AMN1: variants seen among roughly 807,000 people sequenced by gnomAD.
The protein encoded by AMN1 is antagonist of mitotic exit network 1 homolog, also known as protein AMN1 homolog.
In AMN1, 20 loss-of-function variants were observed where a neutral mutation model predicts 33.0. That is an observed-to-expected ratio of 0.61 (90% CI 0.43 to 0.88). The LOEUF is 0.88. AMN1 is among the 40% of genes least tolerant of loss of function. The probability of loss-of-function intolerance (pLI) is 0.00; values close to 1 mark genes in which losing one functional copy is unlikely to be tolerated. For missense variants in AMN1, 246 were observed against 307.4 expected, an observed-to-expected ratio of 0.80 and a Z score of 1.49; for synonymous variants, 114 against 111.9, an observed-to-expected ratio of 1.02 and a Z score of -0.12.
chr12:31,698,741 C>CT (rs201986632), intron 3 of AMN1, among the ~76,000 whole-genome samples: 8,102 of 148,564 alleles, frequency 0.055, 467 homozygotes, highest in East Asian at 0.18. Context: ...TAAGAAAGAA[C>CT]TTTTTTTTTT....
intron 6 of AMN1, among the ~76,000 whole-genome samples, chr12:31,673,820 A>G (rs1951331451): frequency 6.6e-6 from 1 of 152,266 alleles, no homozygotes; most frequent in Non-Finnish European, 1.5e-5. Flanking sequence ...TTACTTTAAC[A>G]TCTGAAAATC....
At chr12:31,682,870 A>G (rs918823824) in intron 6 of AMN1, among the ~76,000 whole-genome samples, 2 of 152,084 alleles carry the variant, frequency 1.3e-5, no homozygotes, top group African/African-American at 4.8e-5. Context: ...TTTATTCCAA[A>G]TATTTTGAAC....
At chr12:31,718,545 G>GT (rs2139725568) in intron 1 of AMN1, among the ~76,000 whole-genome samples, 1 of 152,276 alleles carries the variant, frequency 6.6e-6, no homozygotes, top group South Asian at 2.1e-4. Context: ...CATCTTTGTG[G>GT]TTTTATCTAC....
chr12:31,713,658 T>C (rs1170038209), intron 1 of AMN1, among the ~76,000 whole-genome samples: 1 of 152,098 alleles, frequency 6.6e-6, no homozygotes, highest in Non-Finnish European at 1.5e-5. Flanking sequence ...CTGGGAAACA[T>C]GGCAAAACCC....
intron 6 of AMN1, among the ~76,000 whole-genome samples, chr12:31,685,453 A>G (rs1350707903): frequency 6.6e-6 from 1 of 151,920 alleles, no homozygotes; most frequent in Non-Finnish European, 1.5e-5. Flanking sequence ...TTCTTCCCAC[A>G]CTCTTAAATG....
chr12:31,706,757 G>T (rs1939258775), intron 2 of AMN1, among the ~76,000 whole-genome samples: 1 of 152,082 alleles, frequency 6.6e-6, no homozygotes, highest in African/African-American at 2.4e-5. Context: ...CCCTCTCCAG[G>T]CCTCCACCCC....
chr12:31,690,718 T>A (rs2139675431), intron 5 of AMN1, among the ~76,000 whole-genome samples: 1 of 152,372 alleles, frequency 6.6e-6, no homozygotes, highest in Non-Finnish European at 1.5e-5. Flanking sequence ...ATCTGTTTAC[T>A]CTGCTGACTA....
At chr12:31,704,161 GT>G (rs1271124640) in intron 2 of AMN1, among the ~76,000 whole-genome samples, 2 of 151,932 alleles carry the variant, frequency 1.3e-5, no homozygotes, top group Non-Finnish European at 2.9e-5. Flanking sequence ...CGTCTAAAAG[GT>G]TTTTTTAAAT....
At chr12:31,681,323 C>T (rs560618941) in intron 6 of AMN1, among the ~76,000 whole-genome samples, 1 of 152,028 alleles carries the variant, frequency 6.6e-6, no homozygotes, top group Admixed American at 6.6e-5. Flanking sequence ...CTGCCTCCTG[C>T]GTTCAAGCAA....
At chr12:31,696,693 G>A (rs1389776923) in intron 5 of AMN1, among the ~76,000 whole-genome samples, 1 of 152,054 alleles carries the variant, frequency 6.6e-6, no homozygotes, top group Admixed American at 6.6e-5. Context: ...ATGAGAGGCC[G>A]AGGCGGTCGG....
chr12:31,690,128 A>C (rs965831673), intron 5 of AMN1, among the ~76,000 whole-genome samples: 3 of 152,350 alleles, frequency 2.0e-5, no homozygotes, highest in African/African-American at 7.2e-5. Context: ...CATTGTATAC[A>C]TATACCACAG....
At chr12:31,718,927 C>T (rs1350061466) in intron 1 of AMN1, among the ~76,000 whole-genome samples, 8 of 152,256 alleles carry the variant, frequency 5.3e-5, no homozygotes, top group African/African-American at 1.4e-4. Flanking sequence ...CAAGCTCCCA[C>T]ATCCCAGGTC....
At chr12:31,695,321 A>G (rs1186129502) in intron 5 of AMN1, among the ~76,000 whole-genome samples, 5 of 152,140 alleles carry the variant, frequency 3.3e-5, no homozygotes, top group Non-Finnish European at 4.4e-5. Context: ...TAAGCATTAC[A>G]TAACCTAGTG....
chr12:31,698,777 C>T (rs1240081032), intron 3 of AMN1, among the ~76,000 whole-genome samples: 1 of 151,358 alleles, frequency 6.6e-6, no homozygotes, highest in East Asian at 1.9e-4. Context: ...TTTTATTTAT[C>T]AGTGTCCAGC....
At chr12:31,679,047 G>A (rs1459758509) in intron 6 of AMN1, among the ~76,000 whole-genome samples, 2 of 152,022 alleles carry the variant, frequency 1.3e-5, no homozygotes, top group East Asian at 1.9e-4. Context: ...GGCAGCTCAC[G>A]CCTGTAATCC....
At chr12:31,682,712 G>C (rs1294212185) in intron 6 of AMN1, among the ~76,000 whole-genome samples, 1 of 152,134 alleles carries the variant, frequency 6.6e-6, no homozygotes, top group East Asian at 1.9e-4. Context: ...GTAAACATTT[G>C]ATTTGGTGAT....
At chr12:31,725,294 G>C (rs191223458) in intron 1 of AMN1, among the ~76,000 whole-genome samples, 1 of 152,154 alleles carries the variant, frequency 6.6e-6, no homozygotes, top group Non-Finnish European at 1.5e-5. Flanking sequence ...TGACATAAGT[G>C]GTGTTGATTC....
chr12:31,680,518 T>G (rs74315918), intron 6 of AMN1, among the ~76,000 whole-genome samples: 6,188 of 152,264 alleles, frequency 0.041, 280 homozygotes, highest in East Asian at 0.21. Flanking sequence ...ATAATTTTCA[T>G]ATTTCTAATA....
Position 31,692,536 on chromosome 12 carries a change from G to A in AMN1, c.592-3418C>T, listed in dbSNP as rs140163156. On this transcript the variant is annotated intron_variant, in intron 5 of 6. Coordinates refer to ENST00000281471, the MANE Select transcript of AMN1 (RefSeq NM_001113402.2). ...ATTTCTGGCAGATTAGGGTCTTACT[G>A]AAATTGCATACTCATAGCATAACTT... 8.3e-3 allele frequency among the ~76,000 whole-genome samples: 1,260 copies of A among 151,650 alleles called. 19 individuals are homozygous for A. Among genetic ancestry groups the A allele is most frequent in the African/African-American group, 0.029 (1,189 of 41,376 alleles).
Sources: allele counts gnomAD v4.1 joint callset (sites outside exome capture counted in the v4.1 genomes callset), GRCh38; gene constraint gnomAD v4.1.1; transcripts MANE v1.5; gene names NCBI Gene and HGNC (gene_info 2026-07-23, HGNC 2026-07-21).